Variants in NAALADL2 observed in about 807,000 individuals in gnomAD.
The protein encoded by NAALADL2 is inactive N-acetylated-alpha-linked acidic dipeptidase-like protein 2.
In NAALADL2, 76 loss-of-function variants were observed where a neutral mutation model predicts 87.2. The ratio of observed to expected loss-of-function variants is 0.87; its 90% CI spans 0.72 to 1.05. The LOEUF is 1.05. Among genes scored for constraint, NAALADL2 ranks in the 50% least tolerant of loss-of-function variants. NAALADL2 has a pLI of 0.00. For synonymous variants in NAALADL2, 354 were observed against 331.0 expected, an observed-to-expected ratio of 1.07 and a Z score of -0.75; for missense variants, 1,089 against 945.8, an observed-to-expected ratio of 1.15 and a Z score of -1.99.
intron 6 of NAALADL2, among the ~76,000 whole-genome samples, chr3:175,457,050 A>T (rs1393258367): frequency 6.6e-6 from 1 of 151,998 alleles, no homozygotes; most frequent in Non-Finnish European, 1.5e-5. Flanking sequence ...TTCCTATTGC[A>T]TTTTATGAGC....
intron 5 of NAALADL2, among the ~76,000 whole-genome samples, chr3:175,359,472 T>G (rs1249805754): frequency 1.3e-5 from 2 of 152,084 alleles, no homozygotes; most frequent in Non-Finnish European, 2.9e-5. Flanking sequence ...TAACTAAAAT[T>G]CATTTCTGCC....
chr3:175,775,226 T>C (rs1386994024), intron 13 of NAALADL2: 4 of 151,902 alleles, frequency 2.6e-5, no homozygotes, highest in Middle Eastern at 3.4e-3. Flanking sequence ...TGGGAGTCCA[T>C]AGGAGTGAGT....
intron 1 of NAALADL2, among the ~76,000 whole-genome samples, chr3:175,075,590 T>G (rs1716437867): frequency 6.6e-6 from 1 of 152,178 alleles, no homozygotes; most frequent in Non-Finnish European, 1.5e-5. Context: ...ATTCTGCAAG[T>G]TTTGATACTA....
intron 4 of NAALADL2, among the ~76,000 whole-genome samples, chr3:175,320,349 G>T (rs777335908): frequency 6.6e-6 from 1 of 152,018 alleles, no homozygotes; most frequent in South Asian, 2.1e-4. Context: ...GAATCTTTAC[G>T]TTAAATATGT....
At chr3:175,161,450 C>A (rs1733198312) in intron 2 of NAALADL2, among the ~76,000 whole-genome samples, 1 of 152,058 alleles carries the variant, frequency 6.6e-6, no homozygotes. Context: ...TAAAGCTATG[C>A]CATAGATAAT....
intron 9 of NAALADL2, among the ~76,000 whole-genome samples, chr3:175,481,731 T>C (rs949617367): frequency 6.6e-6 from 1 of 151,894 alleles, no homozygotes; most frequent in Non-Finnish European, 1.5e-5. Context: ...TCCCGTGGTT[T>C]ACTCATATAA....
chr3:175,697,071 C>T (rs558507566), intron 11 of NAALADL2, among the ~76,000 whole-genome samples: 2 of 152,156 alleles, frequency 1.3e-5, no homozygotes, highest in South Asian at 2.1e-4. Context: ...AATCTTAGCA[C>T]CCACTATGGA....
chr3:175,163,641 T>C (rs1487498075), intron 2 of NAALADL2, among the ~76,000 whole-genome samples: 1 of 152,118 alleles, frequency 6.6e-6, no homozygotes, highest in Non-Finnish European at 1.5e-5. Flanking sequence ...ACATGACTAG[T>C]ATAAAAAGAC....
At chr3:174,520,236 A>C (rs1422058536) in intron 1 of NAALADL2, among the ~76,000 whole-genome samples, 1 of 152,226 alleles carries the variant, frequency 6.6e-6, no homozygotes, top group African/African-American at 2.4e-5. Context: ...TATGGAATCA[A>C]GAAAGAGCCC....
chr3:175,132,444 C>T (rs1490413754), intron 2 of NAALADL2, among the ~76,000 whole-genome samples: 1 of 32 alleles, frequency 0.031, no homozygotes, highest in East Asian at 0.5. Flanking sequence ...GGCTGACCCC[C>T]CCACCTCCTC....
At chr3:175,444,230 T>C (rs1422230148) in intron 5 of NAALADL2, among the ~76,000 whole-genome samples, 1 of 152,198 alleles carries the variant, frequency 6.6e-6, no homozygotes, top group Non-Finnish European at 1.5e-5. Flanking sequence ...TTCGAAATGA[T>C]AGACAGCACA....
At chr3:175,104,996 C>T (rs906551149) in intron 2 of NAALADL2, among the ~76,000 whole-genome samples, 14 of 152,110 alleles carry the variant, frequency 9.2e-5, no homozygotes, top group Non-Finnish European at 1.8e-4. Flanking sequence ...CCCTCGCAAT[C>T]CTTAGGTATT....
intron 1 of NAALADL2, among the ~76,000 whole-genome samples, chr3:175,040,356 A>C (rs927770621): frequency 3.7e-4 from 57 of 152,154 alleles, no homozygotes; most frequent in African/African-American, 1.2e-3. Context: ...TTGTATGTGC[A>C]CCATTCACAG....
intron 2 of NAALADL2, among the ~76,000 whole-genome samples, chr3:174,618,303 A>G (rs1183320521): frequency 6.6e-6 from 1 of 151,822 alleles, no homozygotes; most frequent in Non-Finnish European, 1.5e-5. Flanking sequence ...AAGGTTGAAT[A>G]AAGATTCTCA....
intron 13 of NAALADL2, among the ~76,000 whole-genome samples, chr3:175,801,706 T>A (rs1480597933): frequency 6.6e-6 from 1 of 152,098 alleles, no homozygotes. Context: ...TAGAAAAATG[T>A]ATTTAAGTTA....
intron 2 of NAALADL2, among the ~76,000 whole-genome samples, chr3:175,229,575 G>T (rs1035026382): frequency 6.6e-6 from 1 of 151,900 alleles, no homozygotes; most frequent in African/African-American, 2.4e-5. Flanking sequence ...GTGGTATCTG[G>T]TAAGGGCCTG....
chr3:175,259,635 A>G (rs1324173699), intron 4 of NAALADL2, among the ~76,000 whole-genome samples: 5 of 152,200 alleles, frequency 3.3e-5, no homozygotes, highest in Non-Finnish European at 5.9e-5. Context: ...ATTATGGATA[A>G]TTTCTACTTT....
At chr3:174,541,974 A>G (rs1722279217) in intron 1 of NAALADL2, among the ~76,000 whole-genome samples, 1 of 152,164 alleles carries the variant, frequency 6.6e-6, no homozygotes, top group Non-Finnish European at 1.5e-5. Flanking sequence ...ACCCATAGGC[A>G]GTGTGCCCAA....
In NAALADL2 at chr3:175,805,963, C is replaced by G. The variant is rs918994960; in HGVS notation, c.*2760C>G. The G allele has an allele frequency of 5.9e-5, 9 of 151,826 alleles. No homozygotes were observed. Among genetic ancestry groups the G allele is most frequent in the Admixed American group, 3.9e-4 (6 of 15,208 alleles). 9.4% of individuals were successfully genotyped at this position (151,826 alleles called of 1,614,324 possible). ...CCCCCACCAGATATAGTAACTAAAC[C>G]CAAAGTGAGTAAGAAACTTGGACAT... On this transcript the variant is annotated 3_prime_UTR_variant, in exon 14 of 14. Transcript: ENST00000454872.
Sources: allele counts gnomAD v4.1 joint callset (sites outside exome capture counted in the v4.1 genomes callset), GRCh38; gene constraint gnomAD v4.1.1; transcripts MANE v1.5; gene names NCBI Gene and HGNC (gene_info 2026-07-23, HGNC 2026-07-21).